ADGRL3: variants seen among roughly 807,000 people sequenced by gnomAD.
ADGRL3 encodes the protein adhesion G protein-coupled receptor L3, also known as calcium-independent alpha-latrotoxin receptor 3.
A neutral mutation model predicts 153.5 loss-of-function variants in ADGRL3; 62 were observed. The observed-to-expected ratio is 0.40, with a 90% CI of 0.33 to 0.50. The LOEUF (loss-of-function observed/expected upper bound fraction) is 0.50, where lower values mean the gene tolerates loss of function less well. Among genes scored for constraint, ADGRL3 ranks in the 20% least tolerant of loss-of-function variants. The pLI is 0.47. For missense variants in ADGRL3, 1,641 were observed against 1,859.4 expected, an observed-to-expected ratio of 0.88 and a Z score of 2.16; for synonymous variants, 710 against 672.5, an observed-to-expected ratio of 1.06 and a Z score of -0.86.
chr4:61,986,702 A>T (rs1174767768), intron 19 of ADGRL3, among the ~76,000 whole-genome samples: 1 of 152,238 alleles, frequency 6.6e-6, no homozygotes, highest in Admixed American at 6.5e-5. Context: ...AGATAGGAAA[A>T]GATAGGGAAA....
At chr4:61,516,192 A>T (rs188312568) in intron 3 of ADGRL3, among the ~76,000 whole-genome samples, 121 of 152,174 alleles carry the variant, frequency 8.0e-4, no homozygotes, top group Non-Finnish European at 1.3e-3. Context: ...TACACTTCTA[A>T]TCTGCAGATA....
At chr4:61,578,753 C>T (rs973276993) in intron 4 of ADGRL3, among the ~76,000 whole-genome samples, 6 of 152,142 alleles carry the variant, frequency 3.9e-5, no homozygotes, top group African/African-American at 9.6e-5. Context: ...CTTCGTCATT[C>T]GAGAAATCTT....
intron 3 of ADGRL3, among the ~76,000 whole-genome samples, chr4:61,503,170 A>T (rs2152834281): frequency 6.6e-6 from 1 of 152,228 alleles, no homozygotes; most frequent in African/African-American, 2.4e-5. Context: ...TTGTTTAGAA[A>T]CTTCCCCAAA....
At chr4:62,006,466 T>C (rs2099159589) in intron 21 of ADGRL3, among the ~76,000 whole-genome samples, 2 of 152,018 alleles carry the variant, frequency 1.3e-5, no homozygotes, top group South Asian at 4.2e-4. Context: ...AGTTTTTGTT[T>C]TTGTTTTTGT....
intron 6 of ADGRL3, among the ~76,000 whole-genome samples, chr4:61,700,498 G>C (rs1254105460): frequency 6.6e-6 from 1 of 152,150 alleles, no homozygotes. Flanking sequence ...GGAAAGAATA[G>C]ATAGGTAACT....
chr4:61,867,026 A>G (rs920506807), intron 9 of ADGRL3, among the ~76,000 whole-genome samples: 2 of 152,184 alleles, frequency 1.3e-5, no homozygotes, highest in Admixed American at 6.5e-5. Flanking sequence ...TAGTTACAAC[A>G]TGGAAAATTC....
chr4:61,441,112 A>G (rs994913831), intron 2 of ADGRL3, among the ~76,000 whole-genome samples: 1 of 152,120 alleles, frequency 6.6e-6, no homozygotes, highest in Non-Finnish European at 1.5e-5. Flanking sequence ...CTCCTCTTAG[A>G]TAATTCCTAA....
At position 61,948,055 on chromosome 4, in the gene ADGRL3, A is replaced by T. The variant is rs180956004; in HGVS notation, c.2629-45A>T. 3.8e-4 allele frequency: 568 copies of T among 1,499,134 alleles called. 3 individuals carry two copies. Among genetic ancestry groups the T allele is most frequent in the Non-Finnish European group, 5.0e-4 (544 of 1,095,570 alleles). The allele number at this position is 1,499,134 out of a possible 1,614,324, so 92.9% of individuals were successfully genotyped here. A position where few individuals can be genotyped will look rare whatever the true frequency, so the allele number is the denominator to read the frequency against. On this transcript the variant is annotated intron_variant, in intron 16 of 26. Transcript: ENST00000683033. The stretch of plus-strand genomic sequence containing the variant: ...AGAAAATGCCAACCTAATTTACATG[A>T]TCATAAAGTAGTTGTTGATTTTATG...
At chr4:61,419,073 T>G (rs929059777) in intron 2 of ADGRL3, among the ~76,000 whole-genome samples, 1 of 150,896 alleles carries the variant, frequency 6.6e-6, no homozygotes, top group African/African-American at 2.5e-5. Flanking sequence ...GTTGGTATAC[T>G]TTCTCACAAT....
intron 1 of ADGRL3, among the ~76,000 whole-genome samples, chr4:61,356,631 C>T (rs1039766089): frequency 2.0e-5 from 3 of 151,994 alleles, no homozygotes; most frequent in African/African-American, 7.2e-5. Flanking sequence ...GTCATTGCAT[C>T]AAATAGCTTC....
intron 4 of ADGRL3, among the ~76,000 whole-genome samples, chr4:61,535,756 CTT>C (rs890255938): frequency 1.3e-5 from 2 of 151,822 alleles, no homozygotes; most frequent in African/African-American, 4.8e-5. Flanking sequence ...CTTTGATAAT[CTT>C]TTGTCTTTCT....
At chr4:61,750,911 T>C (rs2096749430) in intron 8 of ADGRL3, among the ~76,000 whole-genome samples, 1 of 152,156 alleles carries the variant, frequency 6.6e-6, no homozygotes, top group South Asian at 2.1e-4. Flanking sequence ...ACCAGTGTTG[T>C]AGAGCAGGAT....
At chr4:61,327,334 T>G (rs2095486104) in intron 1 of ADGRL3, among the ~76,000 whole-genome samples, 1 of 151,760 alleles carries the variant, frequency 6.6e-6, no homozygotes, top group Non-Finnish European at 1.5e-5. Context: ...TCAGTTTTTT[T>G]TTTTTTAATT....
chr4:61,867,520 A>ATATATATATATATATATATATATATC (rs2098408895), intron 9 of ADGRL3, among the ~76,000 whole-genome samples: 1 of 127,442 alleles, frequency 7.8e-6, no homozygotes, highest in Non-Finnish European at 1.8e-5. Context: ...ATATGCATAT[A>ATATATATATATATATATATATATATC]TATATATATA....
At chr4:61,363,886 C>T (rs1469553936) in intron 1 of ADGRL3, among the ~76,000 whole-genome samples, 4 of 151,960 alleles carry the variant, frequency 2.6e-5, no homozygotes, top group African/African-American at 4.8e-5. Context: ...AATTTGTAAT[C>T]GAGCAGCCTG....
intron 19 of ADGRL3, among the ~76,000 whole-genome samples, chr4:61,983,894 AG>A (rs1270707276): frequency 1.3e-5 from 2 of 152,212 alleles, no homozygotes; most frequent in Non-Finnish European, 2.9e-5. Flanking sequence ...CATTAGTCAA[AG>A]GAAGAACTAG....
intron 2 of ADGRL3, among the ~76,000 whole-genome samples, chr4:61,386,546 T>G (rs1207867934): frequency 6.6e-6 from 1 of 152,200 alleles, no homozygotes; most frequent in Non-Finnish European, 1.5e-5. Flanking sequence ...TCTAGCAATT[T>G]ACAAATTTTT....
intron 19 of ADGRL3, among the ~76,000 whole-genome samples, chr4:61,988,246 T>G (rs1019090394): frequency 6.6e-6 from 1 of 152,182 alleles, no homozygotes; most frequent in African/African-American, 2.4e-5. Context: ...TTATCTGTAC[T>G]GACATTATAT....
intron 5 of ADGRL3, among the ~76,000 whole-genome samples, chr4:61,603,024 C>T (rs1278450975): frequency 6.6e-6 from 1 of 152,092 alleles, no homozygotes; most frequent in Non-Finnish European, 1.5e-5. Context: ...ATATTTTCTC[C>T]ATTCTATTAA....
Sources: gnomAD v4.1 joint callset for allele counts (sites outside exome capture counted in the v4.1 genomes callset) on GRCh38, gnomAD v4.1.1 for gene constraint, MANE v1.5 for transcripts, NCBI Gene and HGNC (gene_info 2026-07-23, HGNC 2026-07-21) for gene names.